QTMAN: variants seen among roughly 807,000 people sequenced by gnomAD.
QTMAN encodes tRNA-queuosine alpha-mannosyltransferase.
the QTMAN span, among the ~76,000 whole-genome samples, chr2:144,188,292 T>C: frequency 6.6e-6 from 1 of 152,196 alleles, no homozygotes; most frequent in Admixed American, 6.5e-5. Context: ...TTTTTTAATT[T>C]AAGCTTTCAC....
the QTMAN span, among the ~76,000 whole-genome samples, chr2:144,295,973 C>T: frequency 6.6e-6 from 1 of 152,046 alleles, no homozygotes; most frequent in East Asian, 1.9e-4. Context: ...ACACAATACA[C>T]AAAATAAATT....
chr2:144,215,798 C>T, the QTMAN span, among the ~76,000 whole-genome samples: 3 of 152,164 alleles, frequency 2.0e-5, no homozygotes, highest in Non-Finnish European at 4.4e-5. Context: ...TAAAGTATCG[C>T]ATTGCCCTTT....
the QTMAN span, among the ~76,000 whole-genome samples, chr2:144,322,456 CAAAA>C: frequency 1.3e-5 from 2 of 151,848 alleles, no homozygotes; most frequent in African/African-American, 4.8e-5. Context: ...CTTTCAAAAA[CAAAA>C]AAGCTTTGTG....
At chr2:144,114,476 T>C in the QTMAN span, among the ~76,000 whole-genome samples, 1 of 152,350 alleles carries the variant, frequency 6.6e-6, no homozygotes, top group South Asian at 2.1e-4. Context: ...ATGCTAGTAA[T>C]CTGTTTTATC....
At chr2:144,241,779 C>T in the QTMAN span, among the ~76,000 whole-genome samples, 1 of 151,018 alleles carries the variant, frequency 6.6e-6, no homozygotes, top group Non-Finnish European at 1.5e-5. Context: ...TAAGTGTGTA[C>T]AGTATTTACT....
chr2:144,222,919 A>G, the QTMAN span, among the ~76,000 whole-genome samples: 1 of 152,166 alleles, frequency 6.6e-6, no homozygotes, highest in Non-Finnish European at 1.5e-5. Flanking sequence ...AGAGAGAGAG[A>G]TTTGCATTTT....
chr2:144,217,172 T>C, the QTMAN span, among the ~76,000 whole-genome samples: 1,754 of 152,192 alleles, frequency 0.012, 11 homozygotes, highest in Non-Finnish European at 0.018. Flanking sequence ...AGTCAAGGTG[T>C]GTTCAGAATA....
At chr2:144,297,982 G>T in the QTMAN span, among the ~76,000 whole-genome samples, 2 of 151,850 alleles carry the variant, frequency 1.3e-5, no homozygotes, top group African/African-American at 4.8e-5. Flanking sequence ...AAAGACCTCG[G>T]TGTGGTAAAA....
chr2:144,099,047 C>T, the QTMAN span, among the ~76,000 whole-genome samples: 11 of 152,108 alleles, frequency 7.2e-5, no homozygotes, highest in Non-Finnish European at 1.0e-4. Context: ...TATATAAGCA[C>T]CTAACAATCA....
At chr2:144,020,216 C>T in the QTMAN span, among the ~76,000 whole-genome samples, 1 of 152,114 alleles carries the variant, frequency 6.6e-6, no homozygotes, top group Admixed American at 6.5e-5. Context: ...GGCTCCACCC[C>T]CATGGACCTA....
the QTMAN span, among the ~76,000 whole-genome samples, chr2:144,274,061 G>A: frequency 6.6e-6 from 1 of 152,136 alleles, no homozygotes; most frequent in Non-Finnish European, 1.5e-5. Context: ...TTGAACCCGG[G>A]AGGCAGAGGT....
chr2:144,045,747 A>G, the QTMAN span, among the ~76,000 whole-genome samples: 1 of 152,232 alleles, frequency 6.6e-6, no homozygotes, highest in Non-Finnish European at 1.5e-5. Flanking sequence ...CAGAAGGTTG[A>G]TTTAGCCATA....
At chr2:144,013,528 A>AT in the QTMAN span, among the ~76,000 whole-genome samples, 1 of 152,206 alleles carries the variant, frequency 6.6e-6, no homozygotes, top group African/African-American at 2.4e-5. Context: ...CCAATGTGAC[A>AT]TATCAGTAGA....
the QTMAN span, among the ~76,000 whole-genome samples, chr2:144,030,891 T>C: frequency 1.8e-4 from 27 of 152,236 alleles, no homozygotes; most frequent in Middle Eastern, 3.4e-3. Flanking sequence ...AGAAACCTCA[T>C]GGAACTTGTT....
the QTMAN span, among the ~76,000 whole-genome samples, chr2:144,289,799 C>A: frequency 6.6e-6 from 1 of 152,280 alleles, no homozygotes; most frequent in East Asian, 1.9e-4. Flanking sequence ...TATGTGCTAT[C>A]TACAAGAGAC....
the QTMAN span, chr2:143,941,233 T>C: frequency 6.6e-6 from 1 of 152,112 alleles, no homozygotes; most frequent in Non-Finnish European, 1.5e-5. Context: ...AAATAAGTGA[T>C]TCTCAGGAGG....
chr2:144,100,855 CTTTCTTTTTTTTT>C, the QTMAN span, among the ~76,000 whole-genome samples: 3 of 99,166 alleles, frequency 3.0e-5, no homozygotes, highest in African/African-American at 1.1e-4. Flanking sequence ...TTTAGTCTTT[CTTTCTTTTTTTTT>C]TTTTTTTTTT....
chr2:144,007,289 G>A, the QTMAN span: 2 of 1,613,060 alleles, frequency 1.2e-6, no homozygotes, highest in South Asian at 1.1e-5. Context: ...CATGATGAGA[G>A]CTTGAATTAT....
the QTMAN span, among the ~76,000 whole-genome samples, chr2:144,072,418 G>T: frequency 1.3e-5 from 2 of 152,116 alleles, no homozygotes; most frequent in Non-Finnish European, 2.9e-5. Context: ...AGTTACATAG[G>T]CTATCTTGAA....
Sources: allele counts gnomAD v4.1 joint callset (sites outside exome capture counted in the v4.1 genomes callset), GRCh38; gene constraint gnomAD v4.1.1; transcripts MANE v1.5; gene names NCBI Gene and HGNC (gene_info 2026-07-23, HGNC 2026-07-21).